Variants in PP2D1 observed in about 807,000 individuals in gnomAD.
PP2D1 encodes the protein protein phosphatase 2C-like domain-containing protein 1.
A neutral mutation model predicts 30.2 loss-of-function variants in PP2D1; 25 were observed. The observed-to-expected ratio is 0.83, with a 90% CI of 0.60 to 1.16. The LOEUF (loss-of-function observed/expected upper bound fraction) is 1.16. PP2D1 is among the 50% of genes most tolerant of loss of function. PP2D1 has a pLI of 0.00. For missense variants in PP2D1, 760 were observed against 742.4 expected (o/e 1.02, Z -0.28); for synonymous variants, 260 against 258.9 (o/e 1.00, Z -0.04).
downstream of PP2D1, among the ~76,000 whole-genome samples, chr3:19,980,445 A>T (rs1167493738): frequency 2.0e-5 from 3 of 148,188 alleles, no homozygotes; most frequent in Admixed American, 6.7e-5. Flanking sequence ...AGGTTAGTAA[A>T]TTTTTTTTTC....
chr3:20,006,147 G>T lies in PP2D1; in HGVS notation c.24-4051C>A, dbSNP rs551063449. ...TGTAATCTCAGCTACTCGGGAGGCT[G>T]AGGCAGGAGAATTGAATGAACCTGG... On this transcript the variant is annotated intron_variant, in intron 1 of 2. Transcript: ENST00000389050. Among the ~76,000 whole-genome samples the T allele has an allele frequency of 1.9e-3, 290 of 151,590 alleles. 1 individual carries two copies. Among genetic ancestry groups the T allele is most frequent in the Non-Finnish European group, 3.5e-3 (237 of 67,934 alleles).
downstream of PP2D1, among the ~76,000 whole-genome samples, chr3:19,982,016 G>A (rs941026475): frequency 1.3e-5 from 2 of 151,790 alleles, no homozygotes; most frequent in Non-Finnish European, 2.9e-5. Flanking sequence ...GCCACGGTGG[G>A]ATGATCTTCA....
At chr3:19,992,411 C>T (rs1697129417) in intron 2 of PP2D1, among the ~76,000 whole-genome samples, 1 of 152,024 alleles carries the variant, frequency 6.6e-6, no homozygotes, top group African/African-American at 2.4e-5. Context: ...AAGAATTTGG[C>T]TTTTTTCCTG....
chr3:20,002,475 C>T (rs1697268350), intron 1 of PP2D1, among the ~76,000 whole-genome samples: 1 of 152,158 alleles, frequency 6.6e-6, no homozygotes, highest in Non-Finnish European at 1.5e-5. Flanking sequence ...CCATATGCAA[C>T]GGTGGTACCA....
At chr3:20,009,794 T>C (rs1416861693) in intron 1 of PP2D1, among the ~76,000 whole-genome samples, 1 of 152,216 alleles carries the variant, frequency 6.6e-6, no homozygotes, top group East Asian at 1.9e-4. Context: ...ATTTGAAATG[T>C]TTTGCCACTT....
intron 2 of PP2D1, among the ~76,000 whole-genome samples, chr3:19,990,975 A>G (rs1697113011): frequency 6.6e-6 from 1 of 152,226 alleles, no homozygotes; most frequent in Non-Finnish European, 1.5e-5. Context: ...AAATGCGAAC[A>G]GCTAACCAAG....
chr3:19,985,296 G>T, downstream of PP2D1: 1 of 890,970 alleles, frequency 1.1e-6, no homozygotes, highest in Non-Finnish European at 1.7e-6. Flanking sequence ...TTATTTGCAT[G>T]GTATTGATGA....
chr3:19,983,857 G>A (rs1696980779), downstream of PP2D1: 7 of 1,389,250 alleles, frequency 5.0e-6, no homozygotes, highest in African/African-American at 2.9e-5. Flanking sequence ...ATAGTCTTCT[G>A]CTTCCTAAAT....
At chr3:20,008,875 G>C (rs936223506) in intron 1 of PP2D1, among the ~76,000 whole-genome samples, 3 of 152,156 alleles carry the variant, frequency 2.0e-5, no homozygotes, top group African/African-American at 7.2e-5. Context: ...GGTAAACGGT[G>C]AAAGAGTTGG....
chr3:19,987,684 C>A lies in PP2D1; in HGVS notation c.1091-1502G>T, dbSNP rs1050121498. Among the ~76,000 whole-genome samples the A allele has an allele frequency of 2.0e-5, 3 of 152,160 alleles. No individual in the cohort carries two copies. The East Asian group carries it at 5.8e-4, about 29-fold the overall frequency. ...CCACTCTTTGGGAGGCTGAGGCAGG[C>A]AAATCACTTGAAGCCAGAAGTTTGA... On this transcript the variant is annotated intron_variant, in intron 2 of 2. Transcript: ENST00000389050.
At chr3:20,011,652 A>G (rs1697388579) in intron 1 of PP2D1, among the ~76,000 whole-genome samples, 1 of 151,990 alleles carries the variant, frequency 6.6e-6, no homozygotes, top group African/African-American at 2.4e-5. Context: ...TACAAAAATT[A>G]GCCGGGCATG....
chr3:19,985,826 G>A lies in PP2D1; in HGVS notation c.1447C>T (p.Pro483Ser), dbSNP rs1559495564. 5 of 1,536,126 alleles carry A rather than the reference G, an allele frequency of 3.3e-6. No individual in the cohort carries two copies. In the East Asian group the frequency reaches 7.3e-5, roughly 23 times the overall value. ...GATGGTGATTTGTTAGGTATGATAG[G>A]ACAGTATGTTTCTTTATACATGTGA... Reference protein sequence around the residue: ...TFHMYKETYCPIIPNKSPSKG... With the variant: ...TFHMYKETYCSIIPNKSPSKG... Residue 483 changes from proline to serine, a missense_variant, in exon 3 of 3, where the codon CCT becomes TCT. This residue lies in a region of PP2D1 where 369 missense variants were observed against 316.2 expected (regional missense o/e 1.17). Coordinates refer to ENST00000389050, the MANE Select transcript of PP2D1 (RefSeq NM_001252657.2).
intron 2 of PP2D1, chr3:19,996,891 TGA>T (rs1697186736): frequency 6.6e-6 from 1 of 152,176 alleles, no homozygotes; most frequent in Non-Finnish European, 1.5e-5. Flanking sequence ...TAGCTCACCG[TGA>T]CGACTTGTAA....
At chr3:19,990,862 G>T (rs1172020134) in intron 2 of PP2D1, among the ~76,000 whole-genome samples, 2 of 150,498 alleles carry the variant, frequency 1.3e-5, no homozygotes, top group African/African-American at 4.9e-5. Context: ...TCACTGTTAT[G>T]TCCACATAGT....
chr3:19,995,987 T>C (rs1697175314), intron 2 of PP2D1, among the ~76,000 whole-genome samples: 1 of 152,070 alleles, frequency 6.6e-6, no homozygotes, highest in South Asian at 2.1e-4. Context: ...TAGGGAAATT[T>C]ATAGTAATAA....
chr3:19,989,988 G>A (rs929596738), intron 2 of PP2D1, among the ~76,000 whole-genome samples: 1 of 151,874 alleles, frequency 6.6e-6, no homozygotes, highest in African/African-American at 2.4e-5. Flanking sequence ...CAAGTGTAGC[G>A]TTATGCACTA....
At chr3:20,003,222 C>G (rs1697277288) in intron 1 of PP2D1, among the ~76,000 whole-genome samples, 1 of 151,804 alleles carries the variant, frequency 6.6e-6, no homozygotes, top group South Asian at 2.1e-4. Context: ...AAAACAACCT[C>G]AGACAGGCCC....
chr3:19,984,778 TA>T (rs1199823371), downstream of PP2D1: 2 of 153,048 alleles, frequency 1.3e-5, no homozygotes, highest in African/African-American at 4.8e-5. Context: ...AAGAGTTGCT[TA>T]AAAGCATACA....
chr3:19,980,728 G>C (rs1270391785), downstream of PP2D1, among the ~76,000 whole-genome samples: 2 of 151,878 alleles, frequency 1.3e-5, no homozygotes, highest in African/African-American at 4.8e-5. Context: ...AACATTTCTG[G>C]GGCTTTGCTT....
Sources: gnomAD v4.1 joint callset for allele counts (sites outside exome capture counted in the v4.1 genomes callset) on GRCh38, gnomAD v4.1.1 for gene constraint, gnomAD v4.1.1 regional missense constraint, MANE v1.5 for transcripts, NCBI Gene and HGNC (gene_info 2026-07-23, HGNC 2026-07-21) for gene names.